The following GRIP2 variants were observed in gnomAD, a reference collection of about 807,000 sequenced individuals.
The protein encoded by GRIP2 is glutamate receptor-interacting protein 2.
In GRIP2, 58 loss-of-function variants were observed where a neutral mutation model predicts 108.3. The observed-to-expected ratio is 0.54, with a 90% confidence interval of 0.43 to 0.67. GRIP2 has a LOEUF of 0.67. Ranked by LOEUF, GRIP2 falls within the 30% of genes least tolerant of loss-of-function variation. GRIP2 has a pLI of 0.00. For synonymous variants in GRIP2, 586 were observed against 598.2 expected (o/e 0.98, Z 0.30); for missense variants, 1,278 against 1,430.6 (o/e 0.89, Z 1.72).
chr3:14,581,467 A>T, the GRIP2 span, among the ~76,000 whole-genome samples: 12,253 of 152,258 alleles, frequency 0.08, 1,605 homozygotes, highest in African/African-American at 0.27. Context: ...GCTTCCAAGA[A>T]GGGCATAAGC....
intron 20 of GRIP2, chr3:14,503,951 T>G: frequency 2.2e-6 from 1 of 459,346 alleles, no homozygotes. Flanking sequence ...TGACACAGGA[T>G]GCCTAGGAAG....
At chr3:14,603,012 C>G in the GRIP2 span, among the ~76,000 whole-genome samples, 1 of 146,536 alleles carries the variant, frequency 6.8e-6, no homozygotes, top group African/African-American at 2.4e-5. Flanking sequence ...CCCGGCCCGG[C>G]CTCGCCAGCC....
chr3:14,557,947 C>T (rs765590660), upstream of GRIP2, among the ~76,000 whole-genome samples: 9 of 152,270 alleles, frequency 5.9e-5, no homozygotes, highest in Non-Finnish European at 1.0e-4. Flanking sequence ...GAGCACTTAG[C>T]GGAGGGTGGC....
At chr3:14,579,235 A>G in the GRIP2 span, among the ~76,000 whole-genome samples, 1 of 152,190 alleles carries the variant, frequency 6.6e-6, no homozygotes. Context: ...AAACTCTTAA[A>G]GACAAACTGA....
Position 14,495,535 on chromosome 3 carries a change from T to A in GRIP2, c.2824-546A>T, listed in dbSNP as rs144394983. 1.7e-4 allele frequency among the ~76,000 whole-genome samples: 26 copies of A among 152,144 alleles called. No homozygotes were observed. In the East Asian group the frequency reaches 4.7e-3, roughly 27 times the overall value. The stretch of plus-strand genomic sequence containing the variant: ...AATTCTTCTGCCTCAGCCTCCCGAA[T>A]AGCTGGGACTACAGACGTGTGCCAC... On this transcript the variant is annotated intron_variant, in intron 22 of 23. Coordinates refer to ENST00000621039, the MANE Select transcript of GRIP2 (RefSeq NM_001080423.4).
At chr3:14,543,361 T>C (rs1367304937), upstream of GRIP2, among the ~76,000 whole-genome samples, 6 of 152,236 alleles carry the variant, frequency 3.9e-5, no homozygotes, top group Non-Finnish European at 7.3e-5. Context: ...AAAGAGTTTG[T>C]CTTTCATCCT....
Position 14,520,124 on chromosome 3 carries a change from C to T in GRIP2, c.1016G>A (p.Arg339Lys). The T allele has an allele frequency of 6.2e-7, 1 of 1,602,790 alleles. No homozygotes were observed. Among genetic ancestry groups the T allele is most frequent in the Non-Finnish European group, 8.5e-7 (1 of 1,175,802 alleles). The change falls in exon 9 of 24, where the codon AGG becomes AAG. Residue 339 changes from arginine to lysine, a missense_variant. Arg to Lys is a conservative substitution (Grantham distance 26, BLOSUM62 2). Coordinates refer to ENST00000621039, the MANE Select transcript of GRIP2 (RefSeq NM_001080423.4). ...LPVPQSQRPL[R>K]PSEAVKVQRS... ...AGGGGACCCACCTGCCTCTGAGGGC[C>T]TCAGTGGCCGCTGACTCTGGGGCAC... is the stretch of plus-strand genomic sequence containing the variant.
At position 14,498,584 on chromosome 3, in the gene GRIP2, T is replaced by C. The variant is rs980293268; in HGVS notation, c.2680-2024A>G. 2.0e-5 allele frequency among the ~76,000 whole-genome samples: 3 copies of C among 150,072 alleles called. No individual in the cohort carries two copies. In the Admixed American group the frequency reaches 2.0e-4, roughly 10 times the overall value. ...CACCTTTTTCACACCTTAGAAGTGA[T>C]CTTCACCTGCCTGGGAGCCAGCATC... On this transcript the variant is annotated intron_variant, in intron 21 of 23. Coordinates refer to ENST00000621039, the MANE Select transcript of GRIP2 (RefSeq NM_001080423.4).
Position 14,492,733 on chromosome 3 carries a change from G to A in GRIP2, c.*932C>T, listed in dbSNP as rs1342856270. On this transcript the variant is annotated 3_prime_UTR_variant, in exon 24 of 24. Coordinates refer to ENST00000621039, the MANE Select transcript of GRIP2 (RefSeq NM_001080423.4). ...ATGGCAGGTGAATGGAAGCTCCAGG[G>A]TCTTTTGCCCCAAAATGACCCCTCC... The A allele has an allele frequency of 6.6e-6, 1 of 152,402 alleles. No individual in the cohort carries two copies. Among genetic ancestry groups the A allele is most frequent in the East Asian group, 1.9e-4 (1 of 5,174 alleles). 9.4% of individuals were successfully genotyped at this position (152,402 alleles called of 1,614,324 possible).
At chr3:14,601,686 G>T in the GRIP2 span, among the ~76,000 whole-genome samples, 1 of 152,286 alleles carries the variant, frequency 6.6e-6, no homozygotes, top group East Asian at 1.9e-4. Flanking sequence ...GGGCCGAGAA[G>T]ACAGACCCTA....
rs1694434795 is a variant in GRIP2, at chr3:14,522,324, G to C, written c.567-537C>G. On this transcript the variant is annotated intron_variant, in intron 6 of 23. Coordinates refer to ENST00000621039, the MANE Select transcript of GRIP2 (RefSeq NM_001080423.4). The surrounding 1 kb of genome is among the most constrained non-coding windows in gnomAD (Gnocchi z 4.3). ...AGGGGCCAGGGGAGGGGCCCCAGCA[G>C]GGTTCACCTCGGTTTGGGTCGCATC... The C allele has an allele frequency of 6.5e-6, 1 of 153,214 alleles. No homozygotes were observed. Among genetic ancestry groups the C allele is most frequent in the Non-Finnish European group, 1.5e-5 (1 of 68,904 alleles). 9.5% of individuals were successfully genotyped at this position (153,214 alleles called of 1,614,324 possible).
At chr3:14,526,259 C>G (rs1694551761) in intron 1 of GRIP2, among the ~76,000 whole-genome samples, 1 of 152,210 alleles carries the variant, frequency 6.6e-6, no homozygotes, top group Admixed American at 6.5e-5. Context: ...GATAAGGAAG[C>G]TGGGGCTCAG....
intron 1 of GRIP2, among the ~76,000 whole-genome samples, chr3:14,539,533 G>A (rs1345639655): frequency 1.3e-5 from 2 of 152,188 alleles, no homozygotes; most frequent in Non-Finnish European, 2.9e-5. Flanking sequence ...GAGCTGTGGT[G>A]CAAAGATATG....
the GRIP2 span, among the ~76,000 whole-genome samples, chr3:14,581,402 T>C: frequency 6.6e-6 from 1 of 152,214 alleles, no homozygotes; most frequent in Non-Finnish European, 1.5e-5. Context: ...AGAGACTGAC[T>C]GCAGAGGGGG....
the GRIP2 span, among the ~76,000 whole-genome samples, chr3:14,586,461 G>C: frequency 6.6e-6 from 1 of 152,216 alleles, no homozygotes; most frequent in Non-Finnish European, 1.5e-5. Context: ...GCAGGCAGGA[G>C]AGGCAGCAAA....
At chr3:14,597,700 A>G in the GRIP2 span, among the ~76,000 whole-genome samples, 3 of 151,346 alleles carry the variant, frequency 2.0e-5, no homozygotes, top group East Asian at 3.9e-4. Flanking sequence ...TTGTCCTTTT[A>G]CCCACAAAGC....
rs1295940650 is a variant in GRIP2, at chr3:14,494,863, G to A, written c.2950C>T (p.Pro984Ser). 6.2e-7 allele frequency: 1 copy of A among 1,613,624 alleles called. No individual in the cohort carries two copies. The highest frequency in any genetic ancestry group is 2.2e-5 in the East Asian group (1 of 44,870). The stretch of plus-strand genomic sequence containing the variant: ...ATTACCTGCAGGACCCTGTCGAAGG[G>A]CTGGAGGCCTCCACGGTGGGCTGGC... ...DGPAHRGGLQ[P>S]FDRVLQVNHV... Residue 984 changes from proline to serine, a missense_variant, in exon 23 of 24, where the codon CCC (proline) becomes TCC (serine). Coordinates refer to ENST00000621039, the MANE Select transcript of GRIP2 (RefSeq NM_001080423.4).
chr3:14,518,219 T>G (rs1184781928), intron 9 of GRIP2, among the ~76,000 whole-genome samples: 1 of 152,168 alleles, frequency 6.6e-6, no homozygotes, highest in Non-Finnish European at 1.5e-5. Flanking sequence ...TGGCTATGAG[T>G]GCTGCCATGA....
rs1264964378 is a variant in GRIP2 at position 14,505,491 on chromosome 3, GGC to G, written c.2573+122_2573+123del. ...TCTGCTCAGTGCTTCTCTCCCAGGA[GGC>G]ACCCCTCCTCAGGAGCCCGCCAAGA... On this transcript the variant is annotated intron_variant, in intron 20 of 23. Transcript: ENST00000621039. The surrounding 1 kb of genome is among the most constrained non-coding windows in gnomAD (Gnocchi z 4.2). 1 of 1,080,618 alleles carries G rather than the reference GGC, an allele frequency of 9.3e-7. No individual in the cohort carries two copies. The highest frequency in any genetic ancestry group is 1.3e-6 in the Non-Finnish European group (1 of 748,402). 66.9% of individuals were successfully genotyped at this position (1,080,618 alleles called of 1,614,324 possible). A position where few individuals can be genotyped will look rare whatever the true frequency, so the allele number is the denominator to read the frequency against.
Sources: allele counts gnomAD v4.1 joint callset (sites outside exome capture counted in the v4.1 genomes callset), GRCh38; gene constraint gnomAD v4.1.1; non-coding constraint Gnocchi (gnomAD v3.1); transcripts MANE v1.5; gene names NCBI Gene and HGNC (gene_info 2026-07-23, HGNC 2026-07-21).